RAB37: variants seen among roughly 807,000 people sequenced by gnomAD.
RAB37 encodes RAB37, member RAS oncogene family.
Under a neutral mutation model 33.1 loss-of-function variants are expected in RAB37, and 29 were observed. The ratio of observed to expected loss-of-function variants is 0.88; its 90% CI spans 0.65 to 1.20. The LOEUF is 1.20. Among genes scored for constraint, RAB37 ranks in the 50% most tolerant of loss-of-function variants. RAB37 has a pLI of 0.00. For synonymous variants in RAB37, 128 were observed against 119.5 expected, an observed-to-expected ratio of 1.07 and a Z score of -0.47; for missense variants, 299 against 301.1, an observed-to-expected ratio of 0.99 and a Z score of 0.05.
chr17:74,707,896 C>T (rs2033643381), intron 1 of RAB37, among the ~76,000 whole-genome samples: 2 of 151,556 alleles, frequency 1.3e-5, no homozygotes, highest in Non-Finnish European at 2.9e-5. Context: ...TTATACAGGC[C>T]AGGCACTGTG....
intron 1 of RAB37, among the ~76,000 whole-genome samples, chr17:74,723,318 C>G (rs1245458960): frequency 1.3e-5 from 2 of 152,292 alleles, no homozygotes; most frequent in South Asian, 2.1e-4. Context: ...ACAACCTAAC[C>G]TCACTCTGGG....
chr17:74,742,596 G>C lies in RAB37; in HGVS notation c.246+301G>C, dbSNP rs867665160. 2.6e-5 allele frequency among the ~76,000 whole-genome samples: 4 copies of C among 152,194 alleles called. No individual in the cohort carries two copies. The highest frequency in any genetic ancestry group is 4.4e-5 in the Non-Finnish European group (3 of 67,986). ...TGGACATCCCCAACCCCTGAGCTAG[G>C]GGAGAGGAGAAGATTCTTTTTTTTT... On this transcript the variant is annotated intron_variant, in intron 3 of 8. Transcript: ENST00000392613. The surrounding 1 kb of genome is among the most constrained non-coding windows in gnomAD (Gnocchi z 4.0).
chr17:74,737,385 G>A lies in RAB37; in HGVS notation c.93+20G>A, dbSNP rs772157650. 1.7e-5 allele frequency: 26 copies of A among 1,545,002 alleles called. No individual in the cohort carries two copies. Among genetic ancestry groups the A allele is most frequent in the Non-Finnish European group, 2.3e-5 (26 of 1,150,572 alleles). ...GGCAAGGTGGGTGGGCCTCTTCCGT[G>A]AGACCCCCGCCCTCCTCGGCGCTAG... On this transcript the variant is annotated intron_variant, in intron 1 of 8. Coordinates refer to ENST00000392613, the MANE Select transcript of RAB37 (RefSeq NM_001006638.3).
At chr17:74,691,814 C>T (rs1385613994) in intron 1 of RAB37, among the ~76,000 whole-genome samples, 2 of 151,256 alleles carry the variant, frequency 1.3e-5, no homozygotes, top group East Asian at 1.9e-4. Context: ...ACTTTATGCA[C>T]AATAGTTGAA....
intron 1 of RAB37, among the ~76,000 whole-genome samples, chr17:74,713,989 C>T (rs1446358150): frequency 6.7e-6 from 1 of 149,758 alleles, no homozygotes; most frequent in Non-Finnish European, 1.5e-5. Flanking sequence ...GTAGGCAGAT[C>T]ACTCCAGGTC....
At position 74,745,462 on chromosome 17, in the gene RAB37, C is replaced by A; in HGVS notation, c.*51C>A. The stretch of plus-strand genomic sequence containing the variant: ...TGGAGGCACACAGGATGCAGCCTTC[C>A]CCCTCCCAGGCCTGGCTTATTCCAA... On this transcript the variant is annotated 3_prime_UTR_variant, in exon 9 of 9. Transcript: ENST00000392613. This position sits in a 1 kb window ranked among gnomAD's most constrained non-coding sequence, Gnocchi z 4.5. 1 of 1,456,834 alleles carries A rather than the reference C, an allele frequency of 6.9e-7. No individual in the cohort carries two copies. The highest frequency in any genetic ancestry group is 9.6e-7 in the Non-Finnish European group (1 of 1,038,098). The allele number at this position is 1,456,834 out of a possible 1,614,324, so 90.2% of individuals were successfully genotyped here.
At chr17:74,743,434 G>GTGTTGCTCC in intron 5 of RAB37, 94 bp downstream of exon 5, 1 of 1,252,066 alleles carries the variant, frequency 8.0e-7, no homozygotes, top group Non-Finnish European at 1.2e-6. Context: ...AAAGCGGGTG[G>GTGTTGCTCC]AGCGTGGAGT....
At chr17:74,704,407 T>G in intron 1 of RAB37, 1 of 1,109,882 alleles carries the variant, frequency 9.0e-7, no homozygotes, top group South Asian at 1.5e-5. Flanking sequence ...ATTAAATCAC[T>G]TGAGTAGGAC....
chr17:74,736,511 G>A (rs2034476848), upstream of RAB37: 1 of 1,427,432 alleles, frequency 7.0e-7, no homozygotes, highest in Non-Finnish European at 9.1e-7. Context: ...CCTCCTCGGG[G>A]CCAGGGTGAG....
In RAB37 at chr17:74,744,160, T is replaced by C. The variant is rs2034690887; in HGVS notation, c.367-148T>C. The C allele has an allele frequency of 1.4e-6, 1 of 720,756 alleles. No homozygotes were observed. The highest frequency in any genetic ancestry group is 2.2e-6 in the Non-Finnish European group (1 of 446,830). 44.6% of individuals were successfully genotyped at this position (720,756 alleles called of 1,614,324 possible). A position where few individuals can be genotyped will look rare whatever the true frequency, so the allele number is the denominator to read the frequency against. On this transcript the variant is annotated intron_variant, in intron 5 of 8. Coordinates refer to ENST00000392613, the MANE Select transcript of RAB37 (RefSeq NM_001006638.3). The surrounding 1 kb of genome is among the most constrained non-coding windows in gnomAD (Gnocchi z 4.2). ...GCCACCAAGGAAGGCCATCCAGGCC[T>C]GGATGGGCCAGAACAAAGGTACAGA... is the stretch of plus-strand genomic sequence containing the variant.
At chr17:74,685,625 C>T (rs2032038900) in intron 1 of RAB37, among the ~76,000 whole-genome samples, 1 of 152,244 alleles carries the variant, frequency 6.6e-6, no homozygotes, top group Middle Eastern at 3.4e-3. Context: ...AAAAGAGAAA[C>T]CCCAATCCAA....
intron 1 of RAB37, among the ~76,000 whole-genome samples, chr17:74,714,939 T>C (rs2034146295): frequency 1.3e-5 from 2 of 152,144 alleles, no homozygotes; most frequent in Non-Finnish European, 2.9e-5. Context: ...CTGGCCAACA[T>C]GGCAAAACCC....
At chr17:74,682,166 G>A (rs1488687960) in intron 1 of RAB37, among the ~76,000 whole-genome samples, 1 of 152,184 alleles carries the variant, frequency 6.6e-6, no homozygotes, top group Non-Finnish European at 1.5e-5. Flanking sequence ...GGGAAATCTT[G>A]TGATCAGGAC....
chr17:74,722,120 A>C (rs1044725550), intron 1 of RAB37, among the ~76,000 whole-genome samples: 10 of 151,984 alleles, frequency 6.6e-5, no homozygotes, highest in African/African-American at 2.4e-4. Flanking sequence ...CATCTCTACC[A>C]AAAATACAAA....
At chr17:74,704,681 C>A in intron 1 of RAB37, 3 of 1,614,190 alleles carry the variant, frequency 1.9e-6, no homozygotes, top group East Asian at 2.2e-5. Flanking sequence ...CTTGCAGTCA[C>A]GCCAAATAGC....
At chr17:74,672,865 C>G (rs1900099805) in intron 1 of RAB37, 1 of 152,186 alleles carries the variant, frequency 6.6e-6, no homozygotes, top group Admixed American at 6.5e-5. Flanking sequence ...GTTTTAGGTG[C>G]ATGGCTCTGT....
At position 74,745,604 on chromosome 17, in the gene RAB37, G is replaced by A. The variant is rs2034743047; in HGVS notation, c.*193G>A. 1.0e-5 allele frequency: 6 copies of A among 576,076 alleles called. No individual in the cohort carries two copies. The South Asian group carries it at 1.4e-4, about 13-fold the overall frequency. The allele number at this position is 576,076 out of a possible 1,614,324, so 35.7% of individuals were successfully genotyped here. A position where few individuals can be genotyped will look rare whatever the true frequency, so the allele number is the denominator to read the frequency against. On this transcript the variant is annotated 3_prime_UTR_variant, in exon 9 of 9. Transcript: ENST00000392613. This position sits in a 1 kb window ranked among gnomAD's most constrained non-coding sequence, Gnocchi z 4.5. ...CGGTCTCCCCGCATCCACAGGGAGG[G>A]TAAAACACTTAGCTTTTATTTTAAT...
chr17:74,705,309 G>A, intron 1 of RAB37: 1 of 688,598 alleles, frequency 1.5e-6, no homozygotes, highest in South Asian at 1.5e-5. Flanking sequence ...TAGTGGTTCT[G>A]GAATAAACCA....
Position 74,717,548 on chromosome 17 carries a change from C to T in RAB37, c.73-11708C>T, listed in dbSNP as rs535420521. Among the ~76,000 whole-genome samples the T allele has an allele frequency of 6.6e-5, 10 of 152,252 alleles. No homozygotes were observed. The South Asian group carries it at 1.9e-3, about 28-fold the overall frequency. Reference sequence around the variant, plus strand: ...AGAGGGCTGGGCGCGGTGGCTCATGCCTGTAACCCCAGCACTTAGGGAGGC... The same window carrying T: ...AGAGGGCTGGGCGCGGTGGCTCATGTCTGTAACCCCAGCACTTAGGGAGGC... On this transcript the variant is annotated intron_variant, in intron 1 of 7. Coordinates refer to the RAB37 transcript ENST00000340415.
Sources: allele counts gnomAD v4.1 joint callset (sites outside exome capture counted in the v4.1 genomes callset), GRCh38; gene constraint gnomAD v4.1.1; non-coding constraint Gnocchi (gnomAD v3.1); transcripts MANE v1.5; gene names NCBI Gene and HGNC (gene_info 2026-07-23, HGNC 2026-07-21).